The following BCAS3 variants were observed in gnomAD, a reference collection of about 807,000 sequenced individuals.
The protein encoded by BCAS3 is BCAS3 microtubule associated cell migration factor, also known as BCAS4/BCAS3 fusion.
BCAS3 carries 53 observed loss-of-function variants against 116.1 expected under a neutral mutation model. That is an observed-to-expected ratio of 0.46 (90% CI 0.37 to 0.57). The LOEUF is 0.57. Ranked by LOEUF, BCAS3 falls within the 20% of genes least tolerant of loss-of-function variation. BCAS3 has a pLI of 0.00. For synonymous variants in BCAS3, 391 were observed against 408.2 expected, an observed-to-expected ratio of 0.96 and a Z score of 0.51; for missense variants, 917 against 1,165.4, an observed-to-expected ratio of 0.79 and a Z score of 3.10.
rs866318367 is a variant in BCAS3, at chr17:61,281,350, G to C, written c.2426-86977G>C. ...TCTGTATAAATAGTTCTTAGAAGTA[G>C]AATTCCCAGGTCAAAGGATAAGTGA... On this transcript the variant is annotated intron_variant, in intron 22 of 23. Transcript: ENST00000407086. The surrounding 1 kb of genome is among the most constrained non-coding windows in gnomAD (Gnocchi z 4.2). Among the ~76,000 whole-genome samples the C allele has an allele frequency of 1.2e-4, 18 of 152,144 alleles. No homozygotes were observed. Among genetic ancestry groups the C allele is most frequent in the African/African-American group, 4.1e-4 (17 of 41,448 alleles).
In BCAS3 at chr17:61,084,953, G is replaced by T. The variant is rs2072957494; in HGVS notation, c.2425+389G>T. On this transcript the variant is annotated intron_variant, in intron 22 of 23. Coordinates refer to ENST00000407086, the MANE Select transcript of BCAS3 (RefSeq NM_017679.5). This position sits in a 1 kb window ranked among gnomAD's most constrained non-coding sequence, Gnocchi z 5.5. ...AAAGTGCCTAATCTGTGGGAGTAGAGAGGAGACAGTCCAAATGCTATAGCT... is the reference window on the plus strand; with the variant it reads ...AAAGTGCCTAATCTGTGGGAGTAGATAGGAGACAGTCCAAATGCTATAGCT... Among the ~76,000 whole-genome samples the T allele has an allele frequency of 6.6e-6, 1 of 152,214 alleles. No individual in the cohort carries two copies. The highest frequency in any genetic ancestry group is 6.5e-5 in the Admixed American group (1 of 15,288).
At chr17:61,218,352 A>G (rs1463288851) in intron 22 of BCAS3, among the ~76,000 whole-genome samples, 1 of 152,210 alleles carries the variant, frequency 6.6e-6, no homozygotes, top group Non-Finnish European at 1.5e-5. Flanking sequence ...TTCTTCTATT[A>G]AAATGGAAAA....
intron 6 of BCAS3, among the ~76,000 whole-genome samples, chr17:60,780,555 A>G (rs1403590662): frequency 3.1e-4 from 47 of 151,490 alleles, no homozygotes; most frequent in Non-Finnish European, 6.5e-4. Context: ...CACCTGCCTT[A>G]GCCCCCCAAA....
Position 60,910,599 on chromosome 17 carries a change from G to A in BCAS3, c.890G>A (p.Gly297Asp), listed in dbSNP as rs1187813686. ...CAGCTGACAGGCACACTGCCTTCAG[G>A]TGTGACAGAAGATGATGTTGCCATC... The part of the protein sequence containing the change: ...VTQLTGTLPS[G>D]VTEDDVAIHS... The change falls in exon 12 of 24, where the codon GGT (glycine) becomes GAT (aspartate). Residue 297 changes from glycine (G) to aspartate (D), a missense_variant. Coordinates refer to ENST00000407086, the MANE Select transcript of BCAS3 (RefSeq NM_017679.5). 5.6e-6 allele frequency: 9 copies of A among 1,613,280 alleles called. No individual in the cohort carries two copies. The highest frequency in any genetic ancestry group is 1.3e-5 in the African/African-American group (1 of 74,846).
chr17:60,945,195 C>G (rs2060422909), intron 13 of BCAS3, among the ~76,000 whole-genome samples: 1 of 152,066 alleles, frequency 6.6e-6, no homozygotes, highest in African/African-American at 2.4e-5. Context: ...TTTATAATAA[C>G]TCTAAAAGAC....
intron 14 of BCAS3, among the ~76,000 whole-genome samples, chr17:60,983,793 A>G (rs575422043): frequency 6.6e-6 from 1 of 152,304 alleles, no homozygotes; most frequent in African/African-American, 2.4e-5. Flanking sequence ...AAATCTAAGG[A>G]TGCCTTTCTT....
chr17:60,686,543 GAGATGGAGTTT>G (rs2034078855), intron 3 of BCAS3, among the ~76,000 whole-genome samples: 2 of 144,172 alleles, frequency 1.4e-5, no homozygotes, highest in African/African-American at 5.1e-5. Flanking sequence ...TTTTTTTTTT[GAGATGGAGTTT>G]CACTCTTGTC....
At chr17:61,375,247 T>TGTGTGTGTGCGCACAC (rs1555861861) in intron 23 of BCAS3, among the ~76,000 whole-genome samples, 10 of 129,828 alleles carry the variant, frequency 7.7e-5, no homozygotes, top group African/African-American at 4.1e-4. Flanking sequence ...TGTGTGTGTG[T>TGTGTGTGTGCGCACAC]GTGTGTGTAC....
intron 7 of BCAS3, chr17:60,811,025 C>T: frequency 1.5e-6 from 1 of 656,108 alleles, no homozygotes; most frequent in Non-Finnish European, 2.8e-6. Context: ...ATGCAGTCTG[C>T]CGAGGTTGGA....
At chr17:60,742,473 C>A (rs917772322) in intron 5 of BCAS3, among the ~76,000 whole-genome samples, 23 of 129,514 alleles carry the variant, frequency 1.8e-4, no homozygotes, top group African/African-American at 6.5e-4. Flanking sequence ...TGCTCTGTTG[C>A]CTAGGCTGGA....
intron 8 of BCAS3, among the ~76,000 whole-genome samples, chr17:60,870,096 C>A (rs2054967864): frequency 6.6e-6 from 1 of 152,280 alleles, no homozygotes; most frequent in African/African-American, 2.4e-5. Context: ...TCAGGTCCCC[C>A]ACAGATAAAT....
intron 7 of BCAS3, among the ~76,000 whole-genome samples, chr17:60,812,847 C>T (rs942971283): frequency 6.6e-6 from 1 of 152,098 alleles, no homozygotes; most frequent in Non-Finnish European, 1.5e-5. Flanking sequence ...TCAAGAGATC[C>T]TCCCATCTCA....
rs537631122 is a variant in BCAS3 at position 61,344,949 on chromosome 17, G to A, written c.2426-23378G>A. Among the ~76,000 whole-genome samples the A allele has an allele frequency of 3.4e-4, 52 of 151,440 alleles. No homozygotes were observed. The highest frequency in any genetic ancestry group is 5.2e-4 in the Non-Finnish European group (35 of 67,810). ...CACACACACATACACACACACACAC[G>A]CACACCCCTCACAGAAAAATAGCCA... On this transcript the variant is annotated intron_variant, in intron 22 of 23. Transcript: ENST00000407086. The surrounding 1 kb of genome is among the most constrained non-coding windows in gnomAD (Gnocchi z 4.1).
chr17:61,304,397 G>C (rs1489658761), intron 22 of BCAS3, among the ~76,000 whole-genome samples: 3 of 152,188 alleles, frequency 2.0e-5, no homozygotes, highest in African/African-American at 4.8e-5. Context: ...CTGACCACTT[G>C]CTGCCTTGAG....
chr17:60,859,671 C>T (rs1257707550), intron 7 of BCAS3, among the ~76,000 whole-genome samples: 1 of 151,510 alleles, frequency 6.6e-6, no homozygotes, highest in African/African-American at 2.4e-5. Context: ...CAGGTTCAAG[C>T]GATTCTCCTT....
At chr17:60,802,927 C>CT (rs546865918) in intron 6 of BCAS3, among the ~76,000 whole-genome samples, 95 of 152,242 alleles carry the variant, frequency 6.2e-4, no homozygotes, top group African/African-American at 2.1e-3. Flanking sequence ...TATTTGTCGA[C>CT]TTTTAACTTT....
intron 22 of BCAS3, among the ~76,000 whole-genome samples, chr17:61,109,163 T>C (rs2074883040): frequency 6.9e-6 from 1 of 145,154 alleles, no homozygotes; most frequent in Non-Finnish European, 1.5e-5. Flanking sequence ...TCCAGCCTCA[T>C]GACAGGGTGA....
rs535583847 is a variant in BCAS3 at position 60,923,266 on chromosome 17, T to C, written c.994-1141T>C. On this transcript the variant is annotated intron_variant, in intron 12 of 23. Transcript: ENST00000407086. ...TTTCAGACATTTTTATGATGGCTTG[T>C]TGTTTATGATATTGTATAGCATGAT... is the stretch of plus-strand genomic sequence containing the variant. 2.0e-5 allele frequency among the ~76,000 whole-genome samples: 3 copies of C among 152,294 alleles called. No individual in the cohort carries two copies. In the South Asian group the frequency reaches 6.2e-4, roughly 32 times the overall value.
At chr17:60,839,070 A>G (rs1568356349) in intron 7 of BCAS3, among the ~76,000 whole-genome samples, 1 of 152,212 alleles carries the variant, frequency 6.6e-6, no homozygotes, top group Non-Finnish European at 1.5e-5. Context: ...TATTTATATT[A>G]TATGTATATT....
Sources: gnomAD v4.1 joint callset for allele counts (sites outside exome capture counted in the v4.1 genomes callset) on GRCh38, gnomAD v4.1.1 for gene constraint, Gnocchi (gnomAD v3.1) non-coding constraint, MANE v1.5 for transcripts, NCBI Gene and HGNC (gene_info 2026-07-23, HGNC 2026-07-21) for gene names.